SHISA9: variants seen among roughly 807,000 people sequenced by gnomAD.
SHISA9 encodes the protein protein shisa-9.
SHISA9 carries 13 observed loss-of-function variants against 38.0 expected under a neutral mutation model. The observed-to-expected ratio is 0.34, with a 90% CI of 0.22 to 0.54. SHISA9 has a LOEUF of 0.54. Among genes scored for constraint, SHISA9 ranks in the 20% least tolerant of loss-of-function variants. SHISA9 has a pLI of 0.91. For missense variants in SHISA9, 538 were observed against 575.8 expected, an observed-to-expected ratio of 0.93 and a Z score of 0.67; for synonymous variants, 275 against 242.0, an observed-to-expected ratio of 1.14 and a Z score of -1.27.
At chr16:13,070,879 C>A (rs1220028130) in intron 2 of SHISA9, among the ~76,000 whole-genome samples, 1 of 152,136 alleles carries the variant, frequency 6.6e-6, no homozygotes, top group East Asian at 1.9e-4. Context: ...AGCCGCCTTC[C>A]CTGAGGAGCC....
At chr16:13,145,835 A>G (rs2050442554) in intron 2 of SHISA9, among the ~76,000 whole-genome samples, 1 of 152,218 alleles carries the variant, frequency 6.6e-6, no homozygotes, top group Non-Finnish European at 1.5e-5. Context: ...ACATCAGTAA[A>G]CAAAACACAC....
intron 2 of SHISA9, among the ~76,000 whole-genome samples, chr16:12,956,132 G>C (rs2071831038): frequency 1.3e-5 from 2 of 152,148 alleles, no homozygotes; most frequent in South Asian, 4.1e-4. Context: ...AATACAAGTA[G>C]CCAATAAGCA....
chr16:13,004,958 A>AG (rs2072579098), intron 2 of SHISA9, among the ~76,000 whole-genome samples: 1 of 96,226 alleles, frequency 1.0e-5, no homozygotes, highest in Admixed American at 1.1e-4. Context: ...AAAAAAAAAA[A>AG]GAAAAAAAGA....
At chr16:13,401,401 G>A in the SHISA9 span, among the ~76,000 whole-genome samples, 1 of 152,152 alleles carries the variant, frequency 6.6e-6, no homozygotes, top group Non-Finnish European at 1.5e-5. Context: ...GCTGAGCAAG[G>A]CCCACGCATA....
chr16:13,413,250 T>C, the SHISA9 span, among the ~76,000 whole-genome samples: 1 of 152,230 alleles, frequency 6.6e-6, no homozygotes, highest in Non-Finnish European at 1.5e-5. Context: ...TATCAGTGAA[T>C]TTGAGTAGAC....
At chr16:13,216,597 C>T (rs1331396573) in intron 4 of SHISA9, among the ~76,000 whole-genome samples, 1 of 152,164 alleles carries the variant, frequency 6.6e-6, no homozygotes, top group Non-Finnish European at 1.5e-5. Flanking sequence ...AACATCTTAA[C>T]ATTCAGTGGC....
chr16:13,023,740 C>T (rs377399314), intron 2 of SHISA9, among the ~76,000 whole-genome samples: 8 of 152,160 alleles, frequency 5.3e-5, no homozygotes, highest in South Asian at 2.1e-4. Context: ...TATCTCATTG[C>T]GGTTTTGATT....
rs543032313 is a variant in SHISA9, at chr16:13,058,416, A to G, written c.691+141601A>G. On this transcript the variant is annotated intron_variant, in intron 2 of 4. Coordinates refer to ENST00000558583, the MANE Select transcript of SHISA9 (RefSeq NM_001145204.3). ...ATTATAACAAGGGGGACTCATGTTG[A>G]CAAGTAACTGCTACGGCCATCCCTG... 1.9e-3 allele frequency among the ~76,000 whole-genome samples: 287 copies of G among 152,202 alleles called. 3 individuals are homozygous for G. Among genetic ancestry groups the G allele is most frequent in the Non-Finnish European group, 2.7e-3 (183 of 68,036 alleles).
At chr16:13,108,633 T>G (rs902556519) in intron 2 of SHISA9, among the ~76,000 whole-genome samples, 2 of 152,174 alleles carry the variant, frequency 1.3e-5, no homozygotes, top group Non-Finnish European at 2.9e-5. Flanking sequence ...TGCTTACTAA[T>G]TTCTGGGAAA....
At chr16:13,343,640 A>G in the SHISA9 span, among the ~76,000 whole-genome samples, 5 of 152,206 alleles carry the variant, frequency 3.3e-5, no homozygotes, top group African/African-American at 4.8e-5. Context: ...TTAAAGTCCT[A>G]GTTGATTCAC....
rs1347737419 is a variant in SHISA9 at position 12,916,711 on chromosome 16, C to G, written c.587C>G (p.Pro196Arg). ...AGGGCCCTTGCGGATGTCATGAGACCACAGGGCCACTGCAACACTGATCAC... is the reference window on the plus strand; with the variant it reads ...AGGGCCCTTGCGGATGTCATGAGACGACAGGGCCACTGCAACACTGATCAC... ...MSRALADVMR[P>R]QGHCNTDHME... is the part of the protein sequence containing the mutation. The change falls in exon 2 of 5, where the codon CCA becomes CGA. Residue 196 changes from proline (P) to arginine (R), a missense_variant. By Grantham distance (103) the Pro-to-Arg change is moderately radical. This residue lies in a region of SHISA9 where 326 missense variants were observed against 305.9 expected (regional missense o/e 1.07). Coordinates refer to ENST00000558583, the MANE Select transcript of SHISA9 (RefSeq NM_001145204.3). 1 of 1,551,654 alleles carries G rather than the reference C, an allele frequency of 6.4e-7. No individual in the cohort carries two copies.
intron 2 of SHISA9, among the ~76,000 whole-genome samples, chr16:12,997,557 C>T (rs1267409854): frequency 6.6e-6 from 1 of 151,936 alleles, no homozygotes; most frequent in Non-Finnish European, 1.5e-5. Flanking sequence ...CAGGGACCCA[C>T]CATCAAACCT....
the SHISA9 span, among the ~76,000 whole-genome samples, chr16:13,296,533 A>G: frequency 3.3e-5 from 5 of 152,072 alleles, no homozygotes; most frequent in South Asian, 8.3e-4. Context: ...TGACGGTTGC[A>G]TTCCTAGTAA....
chr16:13,219,179 A>G (rs187980505), intron 4 of SHISA9, among the ~76,000 whole-genome samples: 2 of 152,358 alleles, frequency 1.3e-5, no homozygotes, highest in African/African-American at 4.8e-5. Flanking sequence ...ATGCTCTTGC[A>G]TCAAGATTGC....
At chr16:12,974,194 G>C (rs745974235) in intron 2 of SHISA9, among the ~76,000 whole-genome samples, 9 of 152,164 alleles carry the variant, frequency 5.9e-5, no homozygotes. Context: ...CACTGCTCAT[G>C]ACTCAAATTA....
At chr16:13,107,488 C>T (rs868403155) in intron 2 of SHISA9, among the ~76,000 whole-genome samples, 14 of 131,258 alleles carry the variant, frequency 1.1e-4, no homozygotes, top group Non-Finnish European at 1.6e-4. Context: ...CACACACACA[C>T]ACACACACAC....
rs79027935 is a variant in SHISA9, at chr16:13,031,815, G to T, written c.691+115000G>T. On this transcript the variant is annotated intron_variant, in intron 2 of 4. Transcript: ENST00000558583. ...TCAGGAAACAATTTGAGCATAATGT[G>T]AATTTCACATTTGTTCATGTGAAAT... 4.2e-3 allele frequency among the ~76,000 whole-genome samples: 639 copies of T among 152,278 alleles called. 5 individuals are homozygous for T. The highest frequency in any genetic ancestry group is 0.015 in the African/African-American group (618 of 41,558).
At chr16:13,373,710 G>A in the SHISA9 span, among the ~76,000 whole-genome samples, 63,903 of 149,094 alleles carry the variant, frequency 0.43, 15,208 homozygotes, top group East Asian at 0.57. Flanking sequence ...TGCAGTGACC[G>A]AGATTGCACC....
At chr16:13,029,492 G>A (rs895243581) in intron 2 of SHISA9, among the ~76,000 whole-genome samples, 14 of 152,166 alleles carry the variant, frequency 9.2e-5, no homozygotes, top group African/African-American at 1.9e-4. Context: ...CTTGTGGTCC[G>A]AGCCTACTCG....
Sources: gnomAD v4.1 joint callset for allele counts (sites outside exome capture counted in the v4.1 genomes callset) on GRCh38, gnomAD v4.1.1 for gene constraint, gnomAD v4.1.1 regional missense constraint, MANE v1.5 for transcripts, NCBI Gene and HGNC (gene_info 2026-07-23, HGNC 2026-07-21) for gene names.